Variants in TRDN observed in about 807,000 individuals in gnomAD.
The protein encoded by TRDN is triadin, also known as triadin in skeletal muscle.
A neutral mutation model predicts 149.7 loss-of-function variants in TRDN; 161 were observed. That is an observed-to-expected ratio of 1.08 (90% CI 0.95 to 1.23). The LOEUF (loss-of-function observed/expected upper bound fraction) is 1.23. Ranked by LOEUF, TRDN falls within the 50% of genes most tolerant of loss-of-function variation. The pLI, the probability that TRDN is intolerant of heterozygous loss-of-function variation, is 0.00. For missense variants in TRDN, 896 were observed against 823.5 expected (o/e 1.09, Z -1.08); for synonymous variants, 294 against 250.5 (o/e 1.17, Z -1.64).
chr6:123,378,830 T>G (rs1269683893), intron 16 of TRDN, among the ~76,000 whole-genome samples: 3 of 152,190 alleles, frequency 2.0e-5, no homozygotes, highest in Non-Finnish European at 4.4e-5. Flanking sequence ...TTTGGAGTCC[T>G]CTTTATATAG....
intron 34 of TRDN, 55 bp from the exon 35 acceptor site, chr6:123,259,717 A>C: frequency 7.7e-7 from 1 of 1,305,158 alleles, no homozygotes; most frequent in Non-Finnish European, 1.1e-6. Context: ...TGACTTTCTT[A>C]CTCATTCTTG....
chr6:123,495,113 C>T (rs1778389819), intron 9 of TRDN, among the ~76,000 whole-genome samples: 2 of 152,190 alleles, frequency 1.3e-5, no homozygotes, highest in South Asian at 4.1e-4. Flanking sequence ...ATAGTGCCAT[C>T]ATAGCTCACA....
intron 1 of TRDN, among the ~76,000 whole-genome samples, chr6:123,588,860 T>C (rs890029049): frequency 2.6e-5 from 4 of 152,184 alleles, no homozygotes; most frequent in Non-Finnish European, 5.9e-5. Flanking sequence ...TTAAACTTGA[T>C]AAGCTTGGCT....
At chr6:123,319,418 C>T (rs965057604) in intron 23 of TRDN, among the ~76,000 whole-genome samples, 4 of 151,802 alleles carry the variant, frequency 2.6e-5, no homozygotes, top group South Asian at 2.1e-4. Flanking sequence ...TATGAGATTA[C>T]AGTTTCTAAC....
At chr6:123,621,245 G>T (rs971584015) in intron 1 of TRDN, among the ~76,000 whole-genome samples, 1 of 152,024 alleles carries the variant, frequency 6.6e-6, no homozygotes, top group Non-Finnish European at 1.5e-5. Flanking sequence ...TTTTCTCTCT[G>T]CTCCTCCAAA....
At chr6:123,629,126 C>T (rs1785829551) in intron 1 of TRDN, among the ~76,000 whole-genome samples, 1 of 152,012 alleles carries the variant, frequency 6.6e-6, no homozygotes, top group African/African-American at 2.4e-5. Context: ...CAGAGAAGTG[C>T]CACTTCATAT....
Position 123,377,720 on chromosome 6 carries a change from G to A in TRDN, c.1242C>T (p.His414=), listed in dbSNP as rs778359751. The A allele has an allele frequency of 2.5e-6, 4 of 1,613,060 alleles. No homozygotes were observed. The South Asian group carries it at 4.4e-5, about 18-fold the overall frequency. Reference sequence around the variant, plus strand: ...AGCAACAGTGGTCTTACTCACCTGAGTGTTCTTTCTTTGGTGACTTTGCTG... The same window carrying A: ...AGCAACAGTGGTCTTACTCACCTGAATGTTCTTTCTTTGGTGACTTTGCTG... ...VEPAKSPKKE[H]SVPSDKQVKA... The change falls in exon 18 of 41, where the codon CAC becomes CAT. Residue 414 remains histidine (H), a synonymous_variant. Coordinates refer to ENST00000334268, the MANE Select transcript of TRDN (RefSeq NM_006073.4).
chr6:123,601,599 G>T (rs934160676), intron 1 of TRDN, among the ~76,000 whole-genome samples: 2 of 152,038 alleles, frequency 1.3e-5, no homozygotes, highest in African/African-American at 4.8e-5. Context: ...AGCAGTCAGG[G>T]CTGCTACACC....
chr6:123,615,472 A>ATG (rs780098951), intron 1 of TRDN, among the ~76,000 whole-genome samples: 2 of 151,856 alleles, frequency 1.3e-5, no homozygotes, highest in African/African-American at 2.4e-5. Context: ...GAATAATGGA[A>ATG]TGTGTGTGTG....
chr6:123,431,218 C>T (rs936514429), intron 12 of TRDN, among the ~76,000 whole-genome samples: 14 of 152,298 alleles, frequency 9.2e-5, no homozygotes, highest in African/African-American at 3.4e-4. Flanking sequence ...AAGGAATCTA[C>T]TATTGCCTTG....
chr6:123,598,458 C>T lies in TRDN; in HGVS notation c.23-27326G>A, dbSNP rs372906296. Among the ~76,000 whole-genome samples the T allele has an allele frequency of 5.3e-5, 8 of 152,034 alleles. No homozygotes were observed. The East Asian group carries it at 1.5e-3, about 29-fold the overall frequency. On this transcript the variant is annotated intron_variant, in intron 1 of 40. Transcript: ENST00000334268. ...ACACTACGTTTAAGAAACCCTAGCTCCCATTACTCATCCCTTCTAGTTGTA... is the reference window on the plus strand; with the variant it reads ...ACACTACGTTTAAGAAACCCTAGCTTCCATTACTCATCCCTTCTAGTTGTA...
At chr6:123,419,646 C>T (rs1339381500) in intron 12 of TRDN, among the ~76,000 whole-genome samples, 1 of 152,080 alleles carries the variant, frequency 6.6e-6, no homozygotes, top group Non-Finnish European at 1.5e-5. Context: ...CCACAGCACT[C>T]GCAAATACAT....
At chr6:123,472,385 A>C (rs1038383791) in intron 9 of TRDN, among the ~76,000 whole-genome samples, 5 of 152,270 alleles carry the variant, frequency 3.3e-5, no homozygotes, top group Admixed American at 1.3e-4. Flanking sequence ...GGCTTAAAAA[A>C]CGGCGCACCA....
chr6:123,371,089 T>C (rs1781308565), intron 19 of TRDN, among the ~76,000 whole-genome samples: 1 of 152,068 alleles, frequency 6.6e-6, no homozygotes, highest in Non-Finnish European at 1.5e-5. Context: ...AGCTATTAAA[T>C]GTATGACTAG....
chr6:123,277,059 A>C (rs1403670606), intron 26 of TRDN, among the ~76,000 whole-genome samples: 1 of 152,066 alleles, frequency 6.6e-6, no homozygotes, highest in Admixed American at 6.6e-5. Context: ...ATTTTATTGC[A>C]ATTTCTTCCC....
chr6:123,288,589 A>C (rs1777882122), intron 24 of TRDN, among the ~76,000 whole-genome samples: 1 of 152,154 alleles, frequency 6.6e-6, no homozygotes, highest in Admixed American at 6.6e-5. Flanking sequence ...GACACTTCTC[A>C]AAAGAAAATA....
chr6:123,512,233 C>G (rs769615858), intron 7 of TRDN, 70 bp downstream of exon 7: 1 of 895,590 alleles, frequency 1.1e-6, no homozygotes, highest in Non-Finnish European at 1.7e-6. Context: ...ATCCAACTAT[C>G]TGTTACCCAA....
chr6:123,570,975 C>A lies in TRDN; in HGVS notation c.180G>T (p.Trp60Cys), dbSNP rs1782546823. The A allele has an allele frequency of 6.2e-7, 1 of 1,613,820 alleles. No homozygotes were observed. Among genetic ancestry groups the A allele is most frequent in the African/African-American group, 1.3e-5 (1 of 74,916 alleles). ...WLLVIALIIT[W>C]SAVAIVMFDL... ...CAAACATAACGATGGCAACAGCTGA[C>A]CACGTGATTATCAGGGCAATGACCA... The change falls in exon 2 of 41, where the codon TGG (tryptophan) becomes TGT (cysteine). Residue 60 changes from tryptophan to cysteine, a missense_variant. Physicochemically the swap from Trp to Cys is radical, Grantham distance 215. Transcript: ENST00000334268.
rs190123920 is a variant in TRDN, at chr6:123,222,422, C to T, written c.2015-900G>A. On this transcript the variant is annotated intron_variant, in intron 39 of 40. Transcript: ENST00000334268. ...GAGACCTACAGTTGATCTGTATAAA[C>T]ATTAAAGTTTTAGAAGCACTGGTCT... 6.6e-5 allele frequency among the ~76,000 whole-genome samples: 10 copies of T among 151,650 alleles called. No homozygotes were observed. The East Asian group carries it at 1.8e-3, about 27-fold the overall frequency.
Sources: allele counts gnomAD v4.1 joint callset (sites outside exome capture counted in the v4.1 genomes callset), GRCh38; gene constraint gnomAD v4.1.1; transcripts MANE v1.5; gene names NCBI Gene and HGNC (gene_info 2026-07-23, HGNC 2026-07-21).